The following QTMAN variants were observed in gnomAD, a reference collection of about 807,000 sequenced individuals.
The protein encoded by QTMAN is tRNA-queuosine alpha-mannosyltransferase.
chr2:144,168,820 T>C, the QTMAN span, among the ~76,000 whole-genome samples: 1 of 152,120 alleles, frequency 6.6e-6, no homozygotes, highest in African/African-American at 2.4e-5. Context: ...CATCTTAGGC[T>C]TCTTGTTAAC....
the QTMAN span, among the ~76,000 whole-genome samples, chr2:144,072,967 G>A: frequency 6.6e-6 from 1 of 152,056 alleles, no homozygotes; most frequent in African/African-American, 2.4e-5. Flanking sequence ...TACAAGTTTT[G>A]CTCTGTGGCC....
At chr2:144,106,827 T>G in the QTMAN span, among the ~76,000 whole-genome samples, 2 of 152,164 alleles carry the variant, frequency 1.3e-5, no homozygotes, top group African/African-American at 2.4e-5. Flanking sequence ...CATATCACAC[T>G]TATTCCAAAA....
At chr2:144,053,857 G>T in the QTMAN span, among the ~76,000 whole-genome samples, 1 of 152,082 alleles carries the variant, frequency 6.6e-6, no homozygotes, top group South Asian at 2.1e-4. Context: ...ATGTTAGGCA[G>T]ATCTGTACCC....
the QTMAN span, among the ~76,000 whole-genome samples, chr2:144,135,722 C>A: frequency 1.3e-5 from 2 of 152,014 alleles, no homozygotes; most frequent in Non-Finnish European, 2.9e-5. Context: ...TACTAGAGAC[C>A]AGAGTTTCTC....
chr2:144,182,198 G>A, the QTMAN span, among the ~76,000 whole-genome samples: 1,567 of 152,240 alleles, frequency 0.01, 28 homozygotes, highest in African/African-American at 0.034. Flanking sequence ...TGACTACATG[G>A]TACATTCAAC....
At chr2:144,239,099 A>C in the QTMAN span, among the ~76,000 whole-genome samples, 1 of 151,942 alleles carries the variant, frequency 6.6e-6, no homozygotes, top group Admixed American at 6.6e-5. Flanking sequence ...CTATTCGAAT[A>C]TTCTATTTCT....
chr2:144,121,610 T>C, the QTMAN span, among the ~76,000 whole-genome samples: 1 of 152,176 alleles, frequency 6.6e-6, no homozygotes, highest in Non-Finnish European at 1.5e-5. Context: ...GTGAAAGGAA[T>C]ACTATTAAAT....
At chr2:143,949,200 G>A in the QTMAN span, among the ~76,000 whole-genome samples, 1 of 151,964 alleles carries the variant, frequency 6.6e-6, no homozygotes, top group Non-Finnish European at 1.5e-5. Flanking sequence ...TTTCAGGTCT[G>A]AAACTATTTC....
At chr2:144,083,102 T>C in the QTMAN span, among the ~76,000 whole-genome samples, 13 of 152,214 alleles carry the variant, frequency 8.5e-5, no homozygotes, top group Non-Finnish European at 1.6e-4. Flanking sequence ...GGCTTGGATC[T>C]ACACACAGAA....
chr2:144,016,012 G>C, the QTMAN span, among the ~76,000 whole-genome samples: 1 of 152,160 alleles, frequency 6.6e-6, no homozygotes, highest in African/African-American at 2.4e-5. Context: ...GCCATTCCTT[G>C]CTCCCCTACA....
At chr2:144,267,331 AC>A in the QTMAN span, among the ~76,000 whole-genome samples, 2 of 152,268 alleles carry the variant, frequency 1.3e-5, no homozygotes, top group African/African-American at 2.4e-5. Context: ...GACAGGTATT[AC>A]AGGAAGAAGA....
At chr2:144,301,711 C>G in the QTMAN span, among the ~76,000 whole-genome samples, 2 of 152,240 alleles carry the variant, frequency 1.3e-5, no homozygotes, top group East Asian at 1.9e-4. Context: ...CATCCACTAC[C>G]AATGCCCACA....
At chr2:144,161,075 A>T in the QTMAN span, among the ~76,000 whole-genome samples, 6,941 of 152,234 alleles carry the variant, frequency 0.046, 526 homozygotes, top group African/African-American at 0.16. Flanking sequence ...CACGAAAGAA[A>T]AGGTAACATG....
At chr2:144,172,621 CAAAAAAAAAAA>C in the QTMAN span, among the ~76,000 whole-genome samples, 40 of 51,366 alleles carry the variant, frequency 7.8e-4, no homozygotes, top group Non-Finnish European at 9.5e-4. Context: ...AAGACTCTGT[CAAAAAAAAAAA>C]AAAAAAAAAA....
the QTMAN span, among the ~76,000 whole-genome samples, chr2:143,993,879 A>G: frequency 0.03 from 4,524 of 152,300 alleles, 220 homozygotes; most frequent in African/African-American, 0.1. Context: ...AAACAGGAGT[A>G]TAAAAGAGTT....
chr2:143,946,404 C>G, the QTMAN span: 1 of 152,276 alleles, frequency 6.6e-6, no homozygotes, highest in Non-Finnish European at 1.5e-5. Flanking sequence ...TTATTAATAC[C>G]TTCACTTAAA....
the QTMAN span, among the ~76,000 whole-genome samples, chr2:143,950,709 A>T: frequency 6.6e-6 from 1 of 151,606 alleles, no homozygotes; most frequent in Non-Finnish European, 1.5e-5. Flanking sequence ...AGTCTATCAC[A>T]TGGGAAACTA....
the QTMAN span, among the ~76,000 whole-genome samples, chr2:144,236,609 C>T: frequency 3.3e-5 from 5 of 151,698 alleles, no homozygotes; most frequent in African/African-American, 1.2e-4. Flanking sequence ...TCAGAACTCA[C>T]ACAGTAACTC....
the QTMAN span, among the ~76,000 whole-genome samples, chr2:144,294,195 T>C: frequency 4.6e-5 from 7 of 152,324 alleles, no homozygotes; most frequent in African/African-American, 1.7e-4. Context: ...CTGTATGCAT[T>C]ATGCTGTATT....
Sources: gnomAD v4.1 joint callset for allele counts (sites outside exome capture counted in the v4.1 genomes callset) on GRCh38, gnomAD v4.1.1 for gene constraint, MANE v1.5 for transcripts, NCBI Gene and HGNC (gene_info 2026-07-23, HGNC 2026-07-21) for gene names.